The following LONRF3 variants were observed in gnomAD, a reference collection of about 807,000 sequenced individuals.
LONRF3 encodes LON peptidase N-terminal domain and ring finger 3.
Under a neutral mutation model 51.7 loss-of-function variants are expected in LONRF3, and 19 were observed. That is an observed-to-expected ratio of 0.37 (90% confidence interval 0.26 to 0.54). The LOEUF (loss-of-function observed/expected upper bound fraction) is 0.54, where lower values mean the gene tolerates loss of function less well. Among genes scored for constraint, LONRF3 ranks in the 20% least tolerant of loss-of-function variants. The pLI, the probability that LONRF3 is intolerant of heterozygous loss-of-function variation, is 0.86. For missense variants in LONRF3, 521 were observed against 623.9 expected, an observed-to-expected ratio of 0.84 and a Z score of 1.76; for synonymous variants, 265 against 257.8, an observed-to-expected ratio of 1.03 and a Z score of -0.27.
At chrX:119,010,854 G>A (rs1011360815) in intron 7 of LONRF3, among the ~76,000 whole-genome samples, 8 of 110,990 alleles carry the variant, frequency 7.2e-5, no homozygotes, top group African/African-American at 1.6e-4. Context: ...TGGCTCATGC[G>A]TGTAATCCTA....
chrX:118,985,328 C>G (rs970649754), intron 3 of LONRF3, among the ~76,000 whole-genome samples: 1 of 111,527 alleles, frequency 9.0e-6, no homozygotes, highest in African/African-American at 3.3e-5. Flanking sequence ...TGTTGAGTCA[C>G]GCATTAGGGC....
intron 2 of LONRF3, among the ~76,000 whole-genome samples, chrX:118,982,539 G>A (rs1375037307): frequency 1.8e-5 from 2 of 111,897 alleles, no homozygotes; most frequent in Non-Finnish European, 3.8e-5. Context: ...TAGTATGGCA[G>A]AGTGGTTAAG....
intron 3 of LONRF3, among the ~76,000 whole-genome samples, chrX:118,987,444 A>AGTTTT (rs1923067466): frequency 4.5e-5 from 1 of 22,233 alleles, no homozygotes; most frequent in African/African-American, 1.7e-4. Context: ...TGCCTGGCTA[A>AGTTTT]GTTTTTTTTT....
At chrX:119,001,877 T>C (rs1190857101) in intron 5 of LONRF3, among the ~76,000 whole-genome samples, 1 of 112,681 alleles carries the variant, frequency 8.9e-6, no homozygotes, top group Non-Finnish European at 1.9e-5. Context: ...AAATGAACAA[T>C]AGGCCCAATT....
chrX:119,011,558 A>G (rs918957058), intron 7 of LONRF3, among the ~76,000 whole-genome samples: 2 of 112,509 alleles, frequency 1.8e-5, no homozygotes, highest in Admixed American at 1.9e-4. Context: ...TAAAATGTGT[A>G]GAATGCCAAT....
At chrX:118,987,445 G>GTTTTTT (rs369180848) in intron 3 of LONRF3, among the ~76,000 whole-genome samples, 696 of 32,297 alleles carry the variant, frequency 0.022, 125 homozygotes, top group African/African-American at 0.028. Context: ...GCCTGGCTAA[G>GTTTTTT]TTTTTTTTTT....
At position 118,974,881 on chromosome X, in the gene LONRF3, A is replaced by T. The variant is rs751403931; in HGVS notation, c.101A>T (p.Asp34Val). The T allele has an allele frequency of 3.3e-6, 4 of 1,201,799 alleles. No homozygotes were observed. Among genetic ancestry groups the T allele is most frequent in the Admixed American group, 2.2e-5 (1 of 45,035 alleles). Residue 34 changes from aspartate to valine, a missense_variant, in exon 1 of 11, where the codon GAC (aspartate) becomes GTC (valine). Around this residue, in one of 2 missense-constraint regions of LONRF3, gnomAD observed 376 missense variants for 376.7 expected, o/e 1.00. Transcript: ENST00000371628. The stretch of plus-strand genomic sequence containing the variant: ...CGAGGGGCATCAGCGGCCCAAGTAG[A>T]CATGGGCCCCCACCCAAAGGTGGCT... ...AERGASAAQV[D>V]MGPHPKVAAE...
rs764778186 is a variant in LONRF3, at chrX:118,990,495, A to C, written c.1350A>C (p.Lys450Asn). 1 of 1,210,692 alleles carries C rather than the reference A, an allele frequency of 8.3e-7. No individual in the cohort carries two copies. The highest frequency in any genetic ancestry group is 1.8e-5 in the South Asian group (1 of 56,936). The stretch of plus-strand genomic sequence containing the variant: ...ATCCTCCCACTGATCAGGGGGACAA[A>C]CCTGCTCTCAGTTTACCACTTGCAT... Reference protein sequence around the residue: ...KQDPPTDQGDKPALSLPLASF... With the variant: ...KQDPPTDQGDNPALSLPLASF... The change falls in exon 5 of 11, where the codon AAA (lysine) becomes AAC (asparagine). Residue 450 changes from lysine to asparagine, a missense_variant. Physicochemically the swap from Lys to Asn is moderately conservative, Grantham distance 94. Transcript: ENST00000371628.
At chrX:118,998,942 G>A (rs761166184) in intron 5 of LONRF3, among the ~76,000 whole-genome samples, 37 of 112,410 alleles carry the variant, frequency 3.3e-4, no homozygotes, top group Non-Finnish European at 6.6e-4. Flanking sequence ...TTACAGGCGT[G>A]AGCCACTATG....
chrX:119,000,275 G>A (rs1193302124), intron 5 of LONRF3, among the ~76,000 whole-genome samples: 1 of 112,192 alleles, frequency 8.9e-6, no homozygotes, highest in Non-Finnish European at 1.9e-5. Context: ...TCATGGTGCT[G>A]CATTGGTAGA....
At position 118,975,017 on chromosome X, in the gene LONRF3, C is replaced by T; in HGVS notation, c.237C>T (p.Ser79=). 8.5e-7 allele frequency: 1 copy of T among 1,172,565 alleles called. No homozygotes were observed. The highest frequency in any genetic ancestry group is 1.1e-6 in the Non-Finnish European group (1 of 875,927). The change falls in exon 1 of 11, where the codon TCC becomes TCT. Residue 79 remains serine, a synonymous_variant. Coordinates refer to ENST00000371628, the MANE Select transcript of LONRF3 (RefSeq NM_001031855.3). ...VLLTQADALA[S]RGRIREALEV... ...TCACGCAGGCAGACGCCTTGGCGTC[C>T]CGGGGGCGAATCCGTGAAGCCCTCG...
intron 8 of LONRF3, among the ~76,000 whole-genome samples, chrX:119,012,352 T>G (rs752487530): frequency 3.6e-5 from 4 of 110,244 alleles, no homozygotes; most frequent in Non-Finnish European, 5.7e-5. Flanking sequence ...TAATAGTACC[T>G]ACCTCATTGG....
intron 2 of LONRF3, among the ~76,000 whole-genome samples, chrX:118,981,168 A>T (rs1273686721): frequency 9.0e-6 from 1 of 111,003 alleles, no homozygotes; most frequent in Non-Finnish European, 1.9e-5. Flanking sequence ...CAGTGGTGTG[A>T]GCTGGTTGCC....
intron 2 of LONRF3, among the ~76,000 whole-genome samples, chrX:118,979,817 A>AT (rs914102983): frequency 9.0e-6 from 1 of 111,258 alleles, no homozygotes; most frequent in Non-Finnish European, 1.9e-5. Context: ...TTTAGGTCAC[A>AT]TGGGGGGTGA....
Position 119,006,345 on chromosome X carries a change from C to CGGCACT in LONRF3, c.1530+112_1530+117dup, listed in dbSNP as rs778697211. On this transcript the variant is annotated intron_variant, in intron 6 of 10. Coordinates refer to ENST00000371628, the MANE Select transcript of LONRF3 (RefSeq NM_001031855.3). ...CAGTGTTCAACTGGACCCCCAGCCA[C>CGGCACT]GGCACTGTGGTAGGGCACATTACTC... The CGGCACT allele has an allele frequency of 4.6e-5, 21 of 453,388 alleles. No individual in the cohort carries two copies. The South Asian group carries it at 8.7e-4, about 19-fold the overall frequency. The allele number at this position is 453,388 out of a possible 1,213,427, so 37.4% of individuals were successfully genotyped here.
At chrX:119,009,084 A>T in intron 6 of LONRF3, 42 bp from the exon 7 acceptor site, 1 of 1,140,166 alleles carries the variant, frequency 8.8e-7, no homozygotes, top group South Asian at 1.9e-5. Flanking sequence ...ATTGCTACGT[A>T]TTACCTAATT....
At chrX:118,976,589 C>T (rs1260516190) in intron 1 of LONRF3, 1 of 112,167 alleles carries the variant, frequency 8.9e-6, no homozygotes, top group Non-Finnish European at 1.9e-5. Flanking sequence ...TCCCGCTTTT[C>T]AGTGCCGCCT....
intron 5 of LONRF3, 70 bp downstream of exon 5, chrX:118,990,630 T>C: frequency 1.2e-6 from 1 of 865,617 alleles, no homozygotes; most frequent in Non-Finnish European, 1.7e-6. Context: ...TTTCTGCTAG[T>C]GACCTACTGC....
chrX:118,985,260 A>G (rs997321507), intron 3 of LONRF3, among the ~76,000 whole-genome samples: 1 of 111,768 alleles, frequency 8.9e-6, no homozygotes, highest in Non-Finnish European at 1.9e-5. Context: ...ACTGAAGAGT[A>G]TTATGCTCTT....
Sources: gnomAD v4.1 joint callset for allele counts (sites outside exome capture counted in the v4.1 genomes callset) on GRCh38, gnomAD v4.1.1 for gene constraint, gnomAD v4.1.1 regional missense constraint, MANE v1.5 for transcripts, NCBI Gene and HGNC (gene_info 2026-07-23, HGNC 2026-07-21) for gene names.